The following AOPEP variants were observed in gnomAD, a reference collection of about 807,000 sequenced individuals.
AOPEP encodes aminopeptidase O (putative).
AOPEP carries 77 observed loss-of-function variants against 98.1 expected under a neutral mutation model. The observed-to-expected ratio is 0.78, with a 90% CI of 0.65 to 0.95. The LOEUF (loss-of-function observed/expected upper bound fraction) is 0.95. AOPEP is among the 40% of genes least tolerant of loss of function. The pLI is 0.00. For synonymous variants in AOPEP, 346 were observed against 365.3 expected, an observed-to-expected ratio of 0.95 and a Z score of 0.60; for missense variants, 1,024 against 1,024.7, an observed-to-expected ratio of 1.00 and a Z score of 0.01.
intron 3 of AOPEP, among the ~76,000 whole-genome samples, chr9:94,782,941 G>A (rs1168957240): frequency 6.6e-6 from 1 of 152,216 alleles, no homozygotes; most frequent in Non-Finnish European, 1.5e-5. Flanking sequence ...AGACATTGAT[G>A]ATTCTGGCAG....
intron 5 of AOPEP, among the ~76,000 whole-genome samples, chr9:94,861,987 C>T (rs2045076022): frequency 6.6e-6 from 1 of 152,194 alleles, no homozygotes; most frequent in African/African-American, 2.4e-5. Flanking sequence ...TTATGAAAAG[C>T]AGCTTACTAG....
intron 14 of AOPEP, among the ~76,000 whole-genome samples, chr9:95,067,399 G>T (rs887099123): frequency 2.0e-5 from 3 of 152,218 alleles, no homozygotes; most frequent in African/African-American, 7.2e-5. Context: ...TTTTTAGGCT[G>T]TTCAGTCTCT....
At chr9:94,890,273 G>T (rs1164464433) in intron 5 of AOPEP, among the ~76,000 whole-genome samples, 1 of 151,808 alleles carries the variant, frequency 6.6e-6, no homozygotes, top group Non-Finnish European at 1.5e-5. Flanking sequence ...CATGATCTCG[G>T]CTAACTGCAA....
intron 5 of AOPEP, among the ~76,000 whole-genome samples, chr9:94,818,559 A>G (rs904433312): frequency 6.6e-6 from 1 of 152,234 alleles, no homozygotes. Flanking sequence ...GTTTTCCTTC[A>G]AGGCTGTAGC....
chr9:95,104,405 G>T, the AOPEP span, among the ~76,000 whole-genome samples: 1 of 152,148 alleles, frequency 6.6e-6, no homozygotes, highest in East Asian at 1.9e-4. Context: ...TCTTCTCTGT[G>T]GCGGAACTGA....
chr9:95,073,773 C>T (rs1010680475), intron 14 of AOPEP, among the ~76,000 whole-genome samples: 4 of 152,126 alleles, frequency 2.6e-5, no homozygotes, highest in Admixed American at 2.0e-4. Context: ...GCAGGAGAAT[C>T]GCTTGAACCT....
intron 1 of AOPEP, among the ~76,000 whole-genome samples, chr9:94,745,403 G>A (rs1834241784): frequency 1.3e-5 from 2 of 151,900 alleles, no homozygotes; most frequent in African/African-American, 4.8e-5. Context: ...AGCCTCTGGA[G>A]CAGCTGGGAC....
chr9:95,008,430 G>A (rs914328004), intron 13 of AOPEP, among the ~76,000 whole-genome samples: 12 of 152,332 alleles, frequency 7.9e-5, no homozygotes, highest in African/African-American at 2.6e-4. Context: ...GACCACGGGC[G>A]CTGAGCAAGG....
At chr9:94,921,274 C>T (rs1054574312) in intron 5 of AOPEP, 1 of 152,212 alleles carries the variant, frequency 6.6e-6, no homozygotes, top group African/African-American at 2.4e-5. Context: ...CAGGCCGGCT[C>T]GGACCATGAG....
chr9:94,861,384 A>G (rs1008095444), intron 5 of AOPEP, among the ~76,000 whole-genome samples: 4 of 152,228 alleles, frequency 2.6e-5, no homozygotes, highest in Admixed American at 2.6e-4. Flanking sequence ...GAAGATGAAG[A>G]GAGAAACATA....
intron 5 of AOPEP, among the ~76,000 whole-genome samples, chr9:94,843,347 T>A (rs1484796492): frequency 6.6e-6 from 1 of 152,230 alleles, no homozygotes; most frequent in Admixed American, 6.5e-5. Context: ...TTGTGGCCTG[T>A]CTTTGATCAC....
intron 7 of AOPEP, among the ~76,000 whole-genome samples, chr9:94,942,812 T>A (rs759317430): frequency 1.3e-5 from 2 of 151,560 alleles, no homozygotes; most frequent in African/African-American, 2.4e-5. Flanking sequence ...GAAAAATTCA[T>A]TTACATCGCT....
chr9:94,859,027 CA>C (rs150094940), intron 5 of AOPEP, among the ~76,000 whole-genome samples: 2 of 132,816 alleles, frequency 1.5e-5, no homozygotes, highest in African/African-American at 2.9e-5. Context: ...GACTCCATTT[CA>C]AAAAAAAAGA....
At chr9:94,856,164 A>G (rs956285198) in intron 5 of AOPEP, among the ~76,000 whole-genome samples, 4 of 152,234 alleles carry the variant, frequency 2.6e-5, no homozygotes, top group African/African-American at 9.6e-5. Flanking sequence ...CCACGTGTTC[A>G]TAGACCAGCA....
At chr9:94,767,474 A>G (rs925268164) in intron 2 of AOPEP, among the ~76,000 whole-genome samples, 1 of 152,264 alleles carries the variant, frequency 6.6e-6, no homozygotes, top group East Asian at 1.9e-4. Flanking sequence ...AGTGTGTTCA[A>G]AAGAACCTGG....
chr9:94,760,251 CGAG>C lies in AOPEP; in HGVS notation c.473_475del (p.Glu158del), dbSNP rs1564082406. On this transcript the variant is annotated inframe_deletion, in exon 2 of 17. Transcript: ENST00000375315. ...GCTGTGATTTATCTGTGTTAAAAGT[CGAG>C]GAGGTGGATGTTGCTGCTGTGCCAG... is the stretch of plus-strand genomic sequence containing the variant. 1 of 1,614,056 alleles carries C rather than the reference CGAG, an allele frequency of 6.2e-7. No homozygotes were observed. The highest frequency in any genetic ancestry group is 1.1e-5 in the South Asian group (1 of 91,044).
At chr9:94,857,556 A>G (rs2044374132) in intron 5 of AOPEP, among the ~76,000 whole-genome samples, 1 of 152,140 alleles carries the variant, frequency 6.6e-6, no homozygotes, top group East Asian at 1.9e-4. Context: ...CTCACCTTGT[A>G]AATATTATTT....
chr9:94,817,379 A>T (rs780990105), intron 5 of AOPEP, among the ~76,000 whole-genome samples: 1 of 152,218 alleles, frequency 6.6e-6, no homozygotes, highest in Non-Finnish European at 1.5e-5. Flanking sequence ...GAAAGTTAAC[A>T]TATTCCCTCA....
At chr9:94,748,154 G>C (rs1834938213) in intron 1 of AOPEP, among the ~76,000 whole-genome samples, 1 of 152,048 alleles carries the variant, frequency 6.6e-6, no homozygotes, top group African/African-American at 2.4e-5. Flanking sequence ...CATTCTTTCT[G>C]CACCTGAAAG....
Sources: allele counts gnomAD v4.1 joint callset (sites outside exome capture counted in the v4.1 genomes callset), GRCh38; gene constraint gnomAD v4.1.1; transcripts MANE v1.5; gene names NCBI Gene and HGNC (gene_info 2026-07-23, HGNC 2026-07-21).